The following DPYSL5 variants were observed in gnomAD, a reference collection of about 807,000 sequenced individuals.
DPYSL5 encodes the protein dihydropyrimidinase-related protein 5.
Under a neutral mutation model 58.4 loss-of-function variants are expected in DPYSL5, and 9 were observed. The observed-to-expected ratio is 0.15, with a 90% CI of 0.09 to 0.27. DPYSL5 has a LOEUF of 0.27. Among genes scored for constraint, DPYSL5 ranks in the 10% least tolerant of loss-of-function variants. The probability of loss-of-function intolerance (pLI) is 1.00; values close to 1 mark genes in which losing one functional copy is unlikely to be tolerated. For synonymous variants in DPYSL5, 293 were observed against 301.9 expected, an observed-to-expected ratio of 0.97 and a Z score of 0.31; for missense variants, 499 against 770.6, an observed-to-expected ratio of 0.65 and a Z score of 4.17.
At chr2:26,884,036 G>A (rs1367016616) in intron 1 of DPYSL5, among the ~76,000 whole-genome samples, 2 of 152,182 alleles carry the variant, frequency 1.3e-5, no homozygotes, top group East Asian at 1.9e-4. Flanking sequence ...AGGAGCTGCT[G>A]GAGACCCTTG....
At chr2:26,884,905 A>C (rs989248528) in intron 1 of DPYSL5, among the ~76,000 whole-genome samples, 2 of 151,954 alleles carry the variant, frequency 1.3e-5, no homozygotes, top group South Asian at 2.1e-4. Flanking sequence ...TCTTTTAAAA[A>C]CCGTCTCAGG....
At chr2:26,853,189 T>C (rs1331530094) in intron 1 of DPYSL5, among the ~76,000 whole-genome samples, 1 of 152,208 alleles carries the variant, frequency 6.6e-6, no homozygotes, top group Non-Finnish European at 1.5e-5. Flanking sequence ...TGACCTCAGC[T>C]TTGCTGCATC....
At position 26,944,802 on chromosome 2, in the gene DPYSL5, C is replaced by A. The variant is rs776658922; in HGVS notation, c.1587C>A (p.His529Gln). The change falls in exon 12 of 13, where the codon CAC (histidine) becomes CAA (glutamine). Residue 529 changes from histidine to glutamine, a missense_variant. Physicochemically the swap from His to Gln is conservative, Grantham distance 24. Coordinates refer to ENST00000288699, the MANE Select transcript of DPYSL5 (RefSeq NM_020134.4). The surrounding 1 kb of genome is among the most constrained non-coding windows in gnomAD (Gnocchi z 4.4). Reference sequence around the variant, plus strand: ...GGCATGGGGGCATGAGGGACCTTCACGAATCCAGCTTCAGCCTCTCTGGTA... The same window carrying A: ...GGCATGGGGGCATGAGGGACCTTCAAGAATCCAGCTTCAGCCTCTCTGGTA... ...VTRHGGMRDL[H>Q]ESSFSLSGSQ... 1 of 1,614,124 alleles carries A rather than the reference C, an allele frequency of 6.2e-7. No homozygotes were observed. The highest frequency in any genetic ancestry group is 1.7e-5 in the Admixed American group (1 of 60,020).
intron 1 of DPYSL5, among the ~76,000 whole-genome samples, chr2:26,858,198 GTCTC>G (rs1428065866): frequency 1.4e-5 from 2 of 141,194 alleles, no homozygotes; most frequent in Non-Finnish European, 3.0e-5. Flanking sequence ...TTGAGACGGA[GTCTC>G]TCTCTGTCAC....
chr2:26,903,375 G>A (rs537409862), intron 2 of DPYSL5, among the ~76,000 whole-genome samples: 4 of 152,286 alleles, frequency 2.6e-5, no homozygotes, highest in South Asian at 2.1e-4. Context: ...GCTTTGCACT[G>A]TAAAATGGTC....
chr2:26,897,545 C>T (rs1049691139), intron 1 of DPYSL5, among the ~76,000 whole-genome samples: 1 of 152,102 alleles, frequency 6.6e-6, no homozygotes, highest in African/African-American at 2.4e-5. Flanking sequence ...TTAAATGTTG[C>T]TGAATTCTGT....
chr2:26,894,201 T>C (rs978648231), intron 1 of DPYSL5, among the ~76,000 whole-genome samples: 4 of 152,050 alleles, frequency 2.6e-5, no homozygotes, highest in African/African-American at 9.7e-5. Context: ...ACCACAGCTA[T>C]CTGAGTTGCC....
intron 1 of DPYSL5, among the ~76,000 whole-genome samples, chr2:26,876,453 C>G (rs1257556240): frequency 6.6e-6 from 1 of 152,158 alleles, no homozygotes; most frequent in African/African-American, 2.4e-5. Flanking sequence ...GAAGGGCCAG[C>G]AAGATATCAA....
intron 1 of DPYSL5, among the ~76,000 whole-genome samples, chr2:26,888,593 A>G (rs922949472): frequency 3.9e-4 from 59 of 152,212 alleles, no homozygotes; most frequent in African/African-American, 1.3e-3. Flanking sequence ...ATTCTTTCTA[A>G]TGGCATTTAA....
chr2:26,945,119 A>C (rs1665434604), intron 12 of DPYSL5, among the ~76,000 whole-genome samples: 1 of 152,040 alleles, frequency 6.6e-6, no homozygotes, highest in Non-Finnish European at 1.5e-5. Context: ...CTGTGCACAC[A>C]GTGGGTGCTC....
rs1024227342 is a variant in DPYSL5 at position 26,933,597 on chromosome 2, C to T, written c.790+264C>T. On this transcript the variant is annotated intron_variant, in intron 7 of 12. Coordinates refer to ENST00000288699, the MANE Select transcript of DPYSL5 (RefSeq NM_020134.4). The surrounding 1 kb of genome is among the most constrained non-coding windows in gnomAD (Gnocchi z 4.2). ...CTGTCACTTCTCCTGGGTCTGGTAA[C>T]ATTTTCCAAGTTTTAAACCCACTCA... Among the ~76,000 whole-genome samples the T allele has an allele frequency of 6.6e-6, 1 of 152,222 alleles. No individual in the cohort carries two copies. The highest frequency in any genetic ancestry group is 1.5e-5 in the Non-Finnish European group (1 of 68,044).
At chr2:26,883,058 CATGTATTTGT>C (rs1663614815) in intron 1 of DPYSL5, among the ~76,000 whole-genome samples, 1 of 151,902 alleles carries the variant, frequency 6.6e-6, no homozygotes, top group South Asian at 2.1e-4. Flanking sequence ...GCATATTTGA[CATGTATTTGT>C]ATGTTTTTTT....
At chr2:26,932,811 G>A (rs1040668276) in intron 6 of DPYSL5, among the ~76,000 whole-genome samples, 1 of 152,012 alleles carries the variant, frequency 6.6e-6, no homozygotes, top group Non-Finnish European at 1.5e-5. Context: ...TCATCTCCAG[G>A]GTGCATTCTG....
chr2:26,875,915 T>A (rs1663398870), intron 1 of DPYSL5, among the ~76,000 whole-genome samples: 1 of 152,126 alleles, frequency 6.6e-6, no homozygotes, highest in African/African-American at 2.4e-5. Flanking sequence ...CAACCCAAAT[T>A]CTATTACTCC....
intron 1 of DPYSL5, among the ~76,000 whole-genome samples, chr2:26,869,321 A>G (rs1172540620): frequency 1.3e-5 from 2 of 152,172 alleles, no homozygotes; most frequent in African/African-American, 4.8e-5. Context: ...GGTGTAATTT[A>G]CATACTATAA....
Position 26,897,238 on chromosome 2 carries a change from C to T in DPYSL5, c.-4-1258C>T, listed in dbSNP as rs531185582. ...CTGGCAAAAGTAGACATCCTTGCCT[C>T]TGCTGTAGAGGAAAGTATTTAGCCT... On this transcript the variant is annotated intron_variant, in intron 1 of 12. Coordinates refer to ENST00000288699, the MANE Select transcript of DPYSL5 (RefSeq NM_020134.4). Among the ~76,000 whole-genome samples the T allele has an allele frequency of 4.2e-4, 64 of 152,314 alleles. No individual in the cohort carries two copies. In the South Asian group the frequency reaches 0.013, roughly 30 times the overall value.
chr2:26,919,375 C>A (rs1261273740), intron 2 of DPYSL5, among the ~76,000 whole-genome samples: 1 of 152,116 alleles, frequency 6.6e-6, no homozygotes, highest in Non-Finnish European at 1.5e-5. Context: ...TCTTAGGGAA[C>A]AAATGAGCAT....
rs944763546 is a variant in DPYSL5, at chr2:26,925,345, G to C, written c.420+300G>C. 1.3e-5 allele frequency among the ~76,000 whole-genome samples: 2 copies of C among 152,130 alleles called. No individual in the cohort carries two copies. The highest frequency in any genetic ancestry group is 1.3e-4 in the Admixed American group (2 of 15,282). ...TCTTACCGTCTCGTGTGAATGTAGG[G>C]CACCACTGACAGGTCATGGGCAGTG... On this transcript the variant is annotated intron_variant, in intron 3 of 12. Transcript: ENST00000288699. This position sits in a 1 kb window ranked among gnomAD's most constrained non-coding sequence, Gnocchi z 4.5.
intron 1 of DPYSL5, among the ~76,000 whole-genome samples, chr2:26,888,691 C>A (rs1572689672): frequency 6.6e-6 from 1 of 152,110 alleles, no homozygotes; most frequent in African/African-American, 2.4e-5. Context: ...ACTGGATGAT[C>A]AAAGTTTTTG....
Sources: gnomAD v4.1 joint callset for allele counts (sites outside exome capture counted in the v4.1 genomes callset) on GRCh38, gnomAD v4.1.1 for gene constraint, Gnocchi (gnomAD v3.1) non-coding constraint, MANE v1.5 for transcripts, NCBI Gene and HGNC (gene_info 2026-07-23, HGNC 2026-07-21) for gene names.